The following TNKS1BP1 variants were observed in gnomAD, a reference collection of about 807,000 sequenced individuals.
TNKS1BP1 encodes 182 kDa tankyrase-1-binding protein.
Under a neutral mutation model 141.1 loss-of-function variants are expected in TNKS1BP1, and 48 were observed. The ratio of observed to expected loss-of-function variants is 0.34; its 90% confidence interval spans 0.27 to 0.43. The LOEUF (loss-of-function observed/expected upper bound fraction) is 0.43. TNKS1BP1 is among the 20% of genes least tolerant of loss of function. The pLI is 1.00. For synonymous variants in TNKS1BP1, 875 were observed against 898.2 expected (o/e 0.97, Z 0.46); for missense variants, 2,149 against 2,226.0 (o/e 0.97, Z 0.70).
Position 57,308,379 on chromosome 11 carries a change from G to A in TNKS1BP1, c.4316+16C>T. The stretch of plus-strand genomic sequence containing the variant: ...CATGTTCCCTCCCACACTTGGGATG[G>A]GGCTCCGTTCATTACCTTGCTCCGA... On this transcript the variant is annotated intron_variant, in intron 6 of 11. Coordinates refer to ENST00000358252, the MANE Select transcript of TNKS1BP1 (RefSeq NM_033396.3). The A allele has an allele frequency of 1.9e-6, 3 of 1,597,778 alleles. No homozygotes were observed. The highest frequency in any genetic ancestry group is 2.6e-6 in the Non-Finnish European group (3 of 1,168,904).
rs545906142 is a variant in TNKS1BP1, at chr11:57,309,418, C to T, written c.3293G>A (p.Arg1098Gln). 40 of 1,614,174 alleles carry T rather than the reference C, an allele frequency of 2.5e-5. No individual in the cohort carries two copies. Among genetic ancestry groups the T allele is most frequent in the South Asian group, 9.9e-5 (9 of 91,082 alleles). The change falls in exon 6 of 12, where the codon CGA becomes CAA. Residue 1098 changes from arginine to glutamine, a missense_variant. Coordinates refer to ENST00000358252, the MANE Select transcript of TNKS1BP1 (RefSeq NM_033396.3). This position sits in a 1 kb window ranked among gnomAD's most constrained non-coding sequence, Gnocchi z 4.3. Reference sequence around the variant, plus strand: ...CTGCCCTGGGCTAAATGCTGCCTCTCGCTGGGGGCCAACACTGAGGCTAAA... The same window carrying T: ...CTGCCCTGGGCTAAATGCTGCCTCTTGCTGGGGGCCAACACTGAGGCTAAA... ...GEFSLSVGPQ[R>Q]EAAFSPGQQD...
rs1335892959 is a variant in TNKS1BP1 at position 57,309,280 on chromosome 11, T to C, written c.3431A>G (p.Glu1144Gly). 1.9e-6 allele frequency: 3 copies of C among 1,614,108 alleles called. No homozygotes were observed. The highest frequency in any genetic ancestry group is 2.5e-6 in the Non-Finnish European group (3 of 1,180,020). ...CCCAGGAGGCACAAAGTGACCACCT[T>C]CCATCTTGCTAGAAGGGCTAAAGCC... ...GAGFSPSSKM[E>G]GGHFVPPGKT... is the part of the protein sequence containing the mutation. Residue 1144 changes from glutamate (E) to glycine (G), a missense_variant, in exon 6 of 12, where the codon GAA (glutamate) becomes GGA (glycine). By Grantham distance (98) the Glu-to-Gly change is moderately conservative. Transcript: ENST00000358252. The surrounding 1 kb of genome is among the most constrained non-coding windows in gnomAD (Gnocchi z 4.3).
In TNKS1BP1 at chr11:57,312,134, A is replaced by G. The variant is rs1855722172; in HGVS notation, c.2154+400T>C. Among the ~76,000 whole-genome samples, 3 of 151,672 alleles carry G rather than the reference A, an allele frequency of 2.0e-5. No individual in the cohort carries two copies. In the South Asian group the frequency reaches 6.3e-4, roughly 32 times the overall value. On this transcript the variant is annotated intron_variant, in intron 5 of 11. Transcript: ENST00000358252. ...AGGAGCCCACGCTCTAAATGGCTAC[A>G]CTATTTTGCCTTGAACGATATTCCC...
intron 2 of TNKS1BP1, among the ~76,000 whole-genome samples, chr11:57,321,068 T>A (rs1250662600): frequency 6.6e-6 from 1 of 152,212 alleles, no homozygotes; most frequent in African/African-American, 2.4e-5. Context: ...AACAAATGCC[T>A]GCCTGTCCCT....
Position 57,301,812 on chromosome 11 carries a change from G to A in TNKS1BP1, c.4966C>T (p.Leu1656=), listed in dbSNP as rs765703525. 3.1e-6 allele frequency: 5 copies of A among 1,613,966 alleles called. No homozygotes were observed. The highest frequency in any genetic ancestry group is 4.2e-6 in the Non-Finnish European group (5 of 1,179,872). ...NLFPGLSPSA[L]KAKLRPRNRS... is the part of the protein sequence containing the mutation. ...GCTTAATGATCAGATGGTACCTTCAGGGCTGAGGGGCTCAGGCCAGGAAAG... is the reference window on the plus strand; with the variant it reads ...GCTTAATGATCAGATGGTACCTTCAAGGCTGAGGGGCTCAGGCCAGGAAAG... The change falls in exon 9 of 12, where the codon CTG becomes TTG. Residue 1656 remains leucine (L), a synonymous_variant. Transcript: ENST00000358252.
chr11:57,303,268 G>A (rs1855557858), intron 6 of TNKS1BP1: 1 of 158,704 alleles, frequency 6.3e-6, no homozygotes, highest in South Asian at 2.0e-4. Flanking sequence ...TGGCCCACCT[G>A]CCTCTCCGGA....
chr11:57,322,316 G>T, intron 1 of TNKS1BP1: 2 of 993,582 alleles, frequency 2.0e-6, no homozygotes, highest in African/African-American at 1.7e-5. Context: ...TGCAAAGTAT[G>T]AAGTCTGTCT....
At position 57,312,953 on chromosome 11, in the gene TNKS1BP1, G is replaced by A; in HGVS notation, c.1735C>T (p.Pro579Ser). 1 of 1,613,854 alleles carries A rather than the reference G, an allele frequency of 6.2e-7. No homozygotes were observed. The highest frequency in any genetic ancestry group is 8.5e-7 in the Non-Finnish European group (1 of 1,179,972). ...LEPLPTTEGT[P>S]GLPLQQAEER... ...TCTGCCTGCTGCAAAGGTAATCCAG[G>A]TGTGCCCTCAGTTGTAGGCAGGGGC... Residue 579 changes from proline (P) to serine (S), a missense_variant, in exon 5 of 12, where the codon CCT becomes TCT. Physicochemically the swap from Pro to Ser is moderately conservative, Grantham distance 74. Coordinates refer to ENST00000358252, the MANE Select transcript of TNKS1BP1 (RefSeq NM_033396.3).
At chr11:57,321,692 A>T in intron 2 of TNKS1BP1, 100 bp downstream of exon 2, 1 of 1,384,852 alleles carries the variant, frequency 7.2e-7, no homozygotes, top group Non-Finnish European at 9.8e-7. Context: ...ATCTCAACAG[A>T]ATCATCACTC....
chr11:57,310,262 C>T lies in TNKS1BP1; in HGVS notation c.2449G>A (p.Val817Met), dbSNP rs953590078. 6.2e-7 allele frequency: 1 copy of T among 1,614,084 alleles called. No homozygotes were observed. The highest frequency in any genetic ancestry group is 1.3e-5 in the African/African-American group (1 of 75,034). ...QDQSKVSAPGVLTAQDRVVGK... is the reference protein window; with the variant it reads ...QDQSKVSAPGMLTAQDRVVGK... Reference sequence around the variant, plus strand: ...ACTACCCGGTCCTGGGCTGTGAGCACCCCTGGGGCAGACACTTTACTCTGG... The same window carrying T: ...ACTACCCGGTCCTGGGCTGTGAGCATCCCTGGGGCAGACACTTTACTCTGG... Residue 817 changes from valine to methionine, a missense_variant, in exon 6 of 12, where the codon GTG becomes ATG. Transcript: ENST00000358252.
Position 57,309,109 on chromosome 11 carries a change from C to G in TNKS1BP1, c.3602G>C (p.Arg1201Thr). The part of the protein sequence containing the change: ...QMGWSGGLSL[R>T]DMNLTGCLES... The stretch of plus-strand genomic sequence containing the variant: ...CAAACAGCCGGTCAGGTTCATGTCT[C>G]TCAAGCTCAGGCCACCTGACCAGCC... Residue 1201 changes from arginine to threonine, a missense_variant, in exon 6 of 12, where the codon AGA (arginine) becomes ACA (threonine). Transcript: ENST00000358252. The surrounding 1 kb of genome is among the most constrained non-coding windows in gnomAD (Gnocchi z 4.3). The G allele has an allele frequency of 6.2e-7, 1 of 1,614,174 alleles. No individual in the cohort carries two copies. The highest frequency in any genetic ancestry group is 8.5e-7 in the Non-Finnish European group (1 of 1,180,036).
At chr11:57,317,089 G>C (rs1257164005) in intron 4 of TNKS1BP1, among the ~76,000 whole-genome samples, 2 of 152,150 alleles carry the variant, frequency 1.3e-5, no homozygotes, top group African/African-American at 4.8e-5. Context: ...CTCAGCCTCT[G>C]CCCTTCACAG....
intron 1 of TNKS1BP1, among the ~76,000 whole-genome samples, chr11:57,323,860 C>T (rs1855921825): frequency 6.6e-6 from 1 of 152,192 alleles, no homozygotes; most frequent in African/African-American, 2.4e-5. Context: ...CAAAAAAATC[C>T]TTTCACCTGG....
At position 57,313,359 on chromosome 11, in the gene TNKS1BP1, C is replaced by T; in HGVS notation, c.1329G>A (p.Leu443=). 6.2e-7 allele frequency: 1 copy of T among 1,612,650 alleles called. No individual in the cohort carries two copies. The highest frequency in any genetic ancestry group is 8.5e-7 in the Non-Finnish European group (1 of 1,179,688). Residue 443 remains leucine, a synonymous_variant, in exon 5 of 12, where the codon CTG becomes CTA. Transcript: ENST00000358252. ...LQSPSQDQEK[L]GGSLAALPQG... is the part of the protein sequence containing the mutation. The stretch of plus-strand genomic sequence containing the variant: ...GGGGCAGGGCAGCCAGCGAGCCCCC[C>T]AGCTTCTCCTGGTCCTGACTGGGTG...
In TNKS1BP1 at chr11:57,309,910, T is replaced by C. The variant is rs572950541; in HGVS notation, c.2801A>G (p.Asp934Gly). Reference sequence around the variant, plus strand: ...GCTGCCATAGGTGCCGAGTGACACATCTCTCTTCTGAAACTCCCAGTCCTG... The same window carrying C: ...GCTGCCATAGGTGCCGAGTGACACACCTCTCTTCTGAAACTCCCAGTCCTG... ...DEQDWEFQKR[D>G]VSLGTYGSRA... The change falls in exon 6 of 12, where the codon GAT becomes GGT. Residue 934 changes from aspartate (D) to glycine (G), a missense_variant. Physicochemically the swap from Asp to Gly is moderately conservative, Grantham distance 94. Transcript: ENST00000358252. The surrounding 1 kb of genome is among the most constrained non-coding windows in gnomAD (Gnocchi z 4.3). 1.2e-6 allele frequency: 2 copies of C among 1,613,998 alleles called. No homozygotes were observed. The highest frequency in any genetic ancestry group is 2.2e-5 in the South Asian group (2 of 91,064).
rs182029110 is a variant in TNKS1BP1, at chr11:57,319,551, G to A, written c.728+528C>T. Among the ~76,000 whole-genome samples the A allele has an allele frequency of 5.3e-4, 81 of 152,108 alleles. 1 individual carries two copies. The highest frequency in any genetic ancestry group is 1.8e-3 in the African/African-American group (75 of 41,484). ...AGGCCGAAGCAGGCAGATCACCTGAGGTCAGGAGTTCAAGACCAGCCTGGC... is the reference window on the plus strand; with the variant it reads ...AGGCCGAAGCAGGCAGATCACCTGAAGTCAGGAGTTCAAGACCAGCCTGGC... On this transcript the variant is annotated intron_variant, in intron 3 of 11. Coordinates refer to ENST00000358252, the MANE Select transcript of TNKS1BP1 (RefSeq NM_033396.3).
rs150137538 is a variant in TNKS1BP1, at chr11:57,302,417, C to G, written c.4683+42G>C. On this transcript the variant is annotated intron_variant, in intron 7 of 11. Coordinates refer to ENST00000358252, the MANE Select transcript of TNKS1BP1 (RefSeq NM_033396.3). This position sits in a 1 kb window ranked among gnomAD's most constrained non-coding sequence, Gnocchi z 5.5. ...TCCAGGAATGGGGCTCTCGCTGCATCGCCCTCACCCACCCACTGTCATGGG... is the reference window on the plus strand; with the variant it reads ...TCCAGGAATGGGGCTCTCGCTGCATGGCCCTCACCCACCCACTGTCATGGG... 2 of 1,553,168 alleles carry G rather than the reference C, an allele frequency of 1.3e-6. No homozygotes were observed. Among genetic ancestry groups the G allele is most frequent in the South Asian group, 1.2e-5 (1 of 82,128 alleles).
rs1360961018 is a variant in TNKS1BP1, at chr11:57,299,881, C to T, written c.*213G>A. The T allele has an allele frequency of 1.3e-5, 2 of 154,840 alleles. No homozygotes were observed. The highest frequency in any genetic ancestry group is 2.4e-5 in the African/African-American group (1 of 41,510). The allele number at this position is 154,840 out of a possible 1,614,324, so 9.6% of individuals were successfully genotyped here. A position where few individuals can be genotyped will look rare whatever the true frequency, so the allele number is the denominator to read the frequency against. On this transcript the variant is annotated 3_prime_UTR_variant, in exon 12 of 12. Coordinates refer to ENST00000358252, the MANE Select transcript of TNKS1BP1 (RefSeq NM_033396.3). ...GAGGAAGGGACAAAACCTTCAACCA[C>T]TAGTGATGAAATCCAGGGAAGGGAA... is the stretch of plus-strand genomic sequence containing the variant.
Position 57,309,162 on chromosome 11 carries a change from C to T in TNKS1BP1, c.3549G>A (p.Glu1183=). The T allele has an allele frequency of 6.2e-7, 1 of 1,614,218 alleles. No homozygotes were observed. Among genetic ancestry groups the T allele is most frequent in the Non-Finnish European group, 8.5e-7 (1 of 1,180,042 alleles). Residue 1183 remains glutamate (E), a synonymous_variant, in exon 6 of 12, where the codon GAG becomes GAA. Transcript: ENST00000358252. This position sits in a 1 kb window ranked among gnomAD's most constrained non-coding sequence, Gnocchi z 4.3. ...TCTGTCCCACGGCACTCTCCCTGGC[C>T]TCGCTCGAGCCCCCAGAACCCACAC... The part of the protein sequence containing the change: ...SSCVGSGGSS[E]ARESAVGQMG...
Sources: allele counts gnomAD v4.1 joint callset (sites outside exome capture counted in the v4.1 genomes callset), GRCh38; gene constraint gnomAD v4.1.1; non-coding constraint Gnocchi (gnomAD v3.1); transcripts MANE v1.5; gene names NCBI Gene and HGNC (gene_info 2026-07-23, HGNC 2026-07-21).